The following MANBA variants were observed in gnomAD, a reference collection of about 807,000 sequenced individuals.
The protein encoded by MANBA is mannosidase beta, also known as beta-mannosidase.
A neutral mutation model predicts 111.1 loss-of-function variants in MANBA; 83 were observed. The ratio of observed to expected loss-of-function variants is 0.75; its 90% CI spans 0.63 to 0.90. MANBA has a LOEUF of 0.90. Ranked by LOEUF, MANBA falls within the 40% of genes least tolerant of loss-of-function variation. The probability of loss-of-function intolerance (pLI) is 0.00; values close to 1 mark genes in which losing one functional copy is unlikely to be tolerated. For synonymous variants in MANBA, 370 were observed against 378.7 expected, an observed-to-expected ratio of 0.98 and a Z score of 0.27; for missense variants, 1,036 against 1,069.0, an observed-to-expected ratio of 0.97 and a Z score of 0.43.
At chr4:102,663,873 T>C (rs925753817) in intron 11 of MANBA, among the ~76,000 whole-genome samples, 10 of 152,224 alleles carry the variant, frequency 6.6e-5, no homozygotes, top group Non-Finnish European at 1.5e-4. Flanking sequence ...TTAACATATG[T>C]CTGTATAATA....
rs1004002799 is a variant in MANBA, at chr4:102,631,018, C to G, written c.*1039G>C. 23 of 151,786 alleles carry G rather than the reference C, an allele frequency of 1.5e-4. No homozygotes were observed. Among genetic ancestry groups the G allele is most frequent in the African/African-American group, 5.6e-4 (23 of 41,226 alleles). The allele number at this position is 151,786 out of a possible 1,614,324, so 9.4% of individuals were successfully genotyped here. On this transcript the variant is annotated 3_prime_UTR_variant, in exon 17 of 17. Transcript: ENST00000647097. ...CAATGCTTTGCTAAAACAGGATTTACAATAGTCATAAGAACATGACATAAT... is the reference window on the plus strand; with the variant it reads ...CAATGCTTTGCTAAAACAGGATTTAGAATAGTCATAAGAACATGACATAAT...
chr4:102,733,349 A>ATTT (rs563303596), intron 1 of MANBA, among the ~76,000 whole-genome samples: 16 of 136,220 alleles, frequency 1.2e-4, no homozygotes, highest in African/African-American at 3.3e-4. Context: ...TCCTCTCTGC[A>ATTT]TTTTTTTTTT....
rs774935171 is a variant in MANBA at position 102,728,503 on chromosome 4, G to A, written c.178-1820C>T. 4.8e-4 allele frequency: 183 copies of A among 379,896 alleles called. 1 individual carries two copies. The highest frequency in any genetic ancestry group is 1.1e-4 in the Non-Finnish European group (22 of 199,158). 23.5% of individuals were successfully genotyped at this position (379,896 alleles called of 1,614,324 possible). A position where few individuals can be genotyped will look rare whatever the true frequency, so the allele number is the denominator to read the frequency against. Reference sequence around the variant, plus strand: ...CATCTTTCACATTTGAAAAAAACAGGTAACTATAAGGTTAGCTGTTGGCAG... The same window carrying A: ...CATCTTTCACATTTGAAAAAAACAGATAACTATAAGGTTAGCTGTTGGCAG... On this transcript the variant is annotated intron_variant, in intron 1 of 16. Coordinates refer to ENST00000647097, the MANE Select transcript of MANBA (RefSeq NM_005908.4).
rs985563395 is a variant in MANBA, at chr4:102,749,771, C to T, written c.177+10947G>A. 4.6e-5 allele frequency among the ~76,000 whole-genome samples: 7 copies of T among 152,272 alleles called. No homozygotes were observed. The East Asian group carries it at 5.8e-4, about 13-fold the overall frequency. The stretch of plus-strand genomic sequence containing the variant: ...AAAGGGCCAAGAAAAGTGCATCACA[C>T]GTGGAAGACATAAAATAAATGTTAC... On this transcript the variant is annotated intron_variant, in intron 1 of 16. Transcript: ENST00000647097.
intron 5 of MANBA, among the ~76,000 whole-genome samples, chr4:102,710,675 A>G (rs564187778): frequency 5.9e-5 from 9 of 152,282 alleles, no homozygotes; most frequent in Non-Finnish European, 1.2e-4. Context: ...TACAGTTCAT[A>G]TGGAACCAAA....
At chr4:102,754,536 T>G (rs147836132) in intron 1 of MANBA, among the ~76,000 whole-genome samples, 2 of 151,690 alleles carry the variant, frequency 1.3e-5, no homozygotes, top group African/African-American at 4.8e-5. Flanking sequence ...TGTGAAAGAG[T>G]TGTTATTTAT....
chr4:102,648,849 T>C (rs1286160913), intron 13 of MANBA, among the ~76,000 whole-genome samples: 1 of 152,090 alleles, frequency 6.6e-6, no homozygotes, highest in African/African-American at 2.4e-5. Context: ...AACAGAAAGT[T>C]CTCTTGTACC....
Position 102,728,693 on chromosome 4 carries a change from G to T in MANBA, c.178-2010C>A, listed in dbSNP as rs1286872835. The stretch of plus-strand genomic sequence containing the variant: ...TCTCACGTTCCCTGTGCTCCCTTCT[G>T]CTCTCTGGGAGAGTCGCAGGAGGGG... On this transcript the variant is annotated intron_variant, in intron 1 of 16. Coordinates refer to ENST00000647097, the MANE Select transcript of MANBA (RefSeq NM_005908.4). The T allele has an allele frequency of 3.9e-5, 24 of 612,816 alleles. No homozygotes were observed. The East Asian group carries it at 7.8e-4, about 20-fold the overall frequency. 38.0% of individuals were successfully genotyped at this position (612,816 alleles called of 1,614,324 possible). A position where few individuals can be genotyped will look rare whatever the true frequency, so the allele number is the denominator to read the frequency against.
intron 4 of MANBA, among the ~76,000 whole-genome samples, chr4:102,715,067 A>G (rs1191457456): frequency 1.3e-5 from 2 of 152,232 alleles, no homozygotes; most frequent in African/African-American, 2.4e-5. Flanking sequence ...ACAGCCTCTG[A>G]GGTGGCCCAC....
chr4:102,707,668 C>G (rs1233321084), intron 5 of MANBA, among the ~76,000 whole-genome samples: 4 of 152,016 alleles, frequency 2.6e-5, no homozygotes, highest in African/African-American at 9.7e-5. Flanking sequence ...CAATAATAAC[C>G]TTGAGGGTAA....
At chr4:102,709,423 AAG>A (rs1231998017) in intron 5 of MANBA, among the ~76,000 whole-genome samples, 8 of 128,440 alleles carry the variant, frequency 6.2e-5, no homozygotes, top group Non-Finnish European at 1.1e-4. Context: ...AAGAAAGAGA[AAG>A]AGAGAGAGAG....
At chr4:102,679,205 C>G (rs1278319344) in intron 7 of MANBA, among the ~76,000 whole-genome samples, 1 of 152,070 alleles carries the variant, frequency 6.6e-6, no homozygotes, top group Non-Finnish European at 1.5e-5. Context: ...TTGCAATTTG[C>G]AGACAGCACA....
At chr4:102,757,278 G>A (rs1354674932) in intron 1 of MANBA, among the ~76,000 whole-genome samples, 4 of 151,832 alleles carry the variant, frequency 2.6e-5, no homozygotes, top group South Asian at 2.1e-4. Flanking sequence ...GCGGTGAGCC[G>A]AGATAGTACC....
chr4:102,718,186 T>G (rs770169141), intron 4 of MANBA, among the ~76,000 whole-genome samples: 1 of 152,238 alleles, frequency 6.6e-6, no homozygotes, highest in African/African-American at 2.4e-5. Context: ...GCACCTGTTG[T>G]GGATAGTATT....
At chr4:102,715,470 CAGAAAACCTAT>C (rs1342422013) in intron 4 of MANBA, among the ~76,000 whole-genome samples, 10 of 152,172 alleles carry the variant, frequency 6.6e-5, no homozygotes, top group African/African-American at 2.4e-4. Context: ...TTTTAGAAAT[CAGAAAACCTAT>C]AGTCCACATA....
intron 1 of MANBA, among the ~76,000 whole-genome samples, chr4:102,752,925 A>G (rs1478836267): frequency 6.6e-6 from 1 of 152,218 alleles, no homozygotes; most frequent in Non-Finnish European, 1.5e-5. Flanking sequence ...CATCTAAAAT[A>G]TATCTTTCTC....
intron 7 of MANBA, among the ~76,000 whole-genome samples, chr4:102,674,656 C>T (rs1227828345): frequency 6.6e-6 from 1 of 152,164 alleles, no homozygotes; most frequent in East Asian, 1.9e-4. Flanking sequence ...TGCAGCAGGA[C>T]CACGCACTCT....
At chr4:102,730,518 T>C (rs1233718128) in intron 1 of MANBA, 1 of 530,646 alleles carries the variant, frequency 1.9e-6, no homozygotes, top group Non-Finnish European at 3.7e-6. Flanking sequence ...ACATTGATTC[T>C]ACATCTTATA....
At chr4:102,745,376 G>C (rs1412892757) in intron 1 of MANBA, among the ~76,000 whole-genome samples, 1 of 152,146 alleles carries the variant, frequency 6.6e-6, no homozygotes, top group Non-Finnish European at 1.5e-5. Flanking sequence ...AGTGACTGTT[G>C]TTCCCACCGT....
Sources: allele counts gnomAD v4.1 joint callset (sites outside exome capture counted in the v4.1 genomes callset), GRCh38; gene constraint gnomAD v4.1.1; transcripts MANE v1.5; gene names NCBI Gene and HGNC (gene_info 2026-07-23, HGNC 2026-07-21).